KANK4: variants seen among roughly 807,000 people sequenced by gnomAD.
KANK4 encodes KN motif and ankyrin repeat domains 4.
Under a neutral mutation model 80.8 loss-of-function variants are expected in KANK4, and 50 were observed. The ratio of observed to expected loss-of-function variants is 0.62; its 90% confidence interval spans 0.49 to 0.78. The LOEUF is 0.78. KANK4 is among the 30% of genes least tolerant of loss of function. KANK4 has a pLI of 0.00. For synonymous variants in KANK4, 465 were observed against 506.9 expected (o/e 0.92, Z 1.11); for missense variants, 1,196 against 1,240.1 (o/e 0.96, Z 0.53).
chr1:62,270,389 T>C (rs563930724), intron 4 of KANK4, among the ~76,000 whole-genome samples: 8 of 151,398 alleles, frequency 5.3e-5, no homozygotes, highest in Non-Finnish European at 3.0e-5. Context: ...TGCTTTGCTT[T>C]TTTTTTTTTT....
chr1:62,307,479 C>A (rs867697470), intron 1 of KANK4, among the ~76,000 whole-genome samples: 422 of 113,122 alleles, frequency 3.7e-3, no homozygotes, highest in Admixed American at 4.2e-3. Flanking sequence ...GAGACTCTGC[C>A]AAAAAAAAAA....
intron 6 of KANK4, among the ~76,000 whole-genome samples, chr1:62,265,501 C>T (rs967296576): frequency 9.9e-5 from 15 of 152,204 alleles, no homozygotes; most frequent in African/African-American, 3.6e-4. Flanking sequence ...CTTGGCCTCC[C>T]AAAGTACTGG....
intron 2 of KANK4, among the ~76,000 whole-genome samples, chr1:62,278,364 C>T (rs1181381445): frequency 0.17 from 2,938 of 17,130 alleles, 469 homozygotes; most frequent in South Asian, 0.31. Context: ...TTCCTTCCTT[C>T]CTTCCTTCCT....
chr1:62,286,716 C>T (rs1373699897), intron 1 of KANK4, among the ~76,000 whole-genome samples: 1 of 152,140 alleles, frequency 6.6e-6, no homozygotes, highest in Admixed American at 6.5e-5. Context: ...AGTAGTGCAT[C>T]ACTTTCTTCC....
rs766521694 is a variant in KANK4 at position 62,279,191 on chromosome 1, A to AGCGCGC, written c.16+2352_16+2357dup. On this transcript the variant is annotated intron_variant, in intron 2 of 9. Transcript: ENST00000371153. ...GGTTTAATAGGTGCTTTCCTAAGCT[A>AGCGCGC]GCGCGCGCACACACACACACACACA... Among the ~76,000 whole-genome samples the AGCGCGC allele has an allele frequency of 1.9e-3, 264 of 139,382 alleles. 2 individuals are homozygous for AGCGCGC. The highest frequency in any genetic ancestry group is 6.8e-3 in the African/African-American group (252 of 37,222). The allele number at this position is 139,382 out of a possible 152,430, so 91.4% of individuals were successfully genotyped here. A position where few individuals can be genotyped will look rare whatever the true frequency, so the allele number is the denominator to read the frequency against.
chr1:62,256,721 A>G (rs1209377374), intron 7 of KANK4, among the ~76,000 whole-genome samples: 3 of 152,124 alleles, frequency 2.0e-5, no homozygotes, highest in African/African-American at 7.2e-5. Context: ...GAAGTGTGCC[A>G]TGAAAATACC....
intron 1 of KANK4, among the ~76,000 whole-genome samples, chr1:62,316,882 A>G (rs1277609496): frequency 1.3e-5 from 2 of 152,206 alleles, no homozygotes; most frequent in African/African-American, 4.8e-5. Flanking sequence ...AAGCATGTCC[A>G]GGGAGCTTTA....
chr1:62,242,410 G>A (rs991438203), intron 9 of KANK4, among the ~76,000 whole-genome samples: 1 of 150,250 alleles, frequency 6.7e-6, no homozygotes, highest in African/African-American at 2.5e-5. Flanking sequence ...AAAGAGAAGG[G>A]TGCAGGCAGC....
At chr1:62,252,587 C>T (rs1378483146) in intron 8 of KANK4, among the ~76,000 whole-genome samples, 3 of 152,254 alleles carry the variant, frequency 2.0e-5, no homozygotes, top group African/African-American at 2.4e-5. Context: ...TGGCTATCCA[C>T]ACTTTCCCTC....
At chr1:62,298,250 T>C (rs1172495058) in intron 1 of KANK4, 3 of 152,210 alleles carry the variant, frequency 2.0e-5, no homozygotes, top group Non-Finnish European at 4.4e-5. Flanking sequence ...GCTGCTGAAG[T>C]GAACACAGGA....
chr1:62,247,405 G>A lies in KANK4; in HGVS notation c.2883+67C>T, dbSNP rs952480502. On this transcript the variant is annotated intron_variant, in intron 9 of 9. Transcript: ENST00000371153. Reference sequence around the variant, plus strand: ...TCCTCCCGCCTCAGCCTCCCAAAGTGCTGGGGTTACAGGTATGAGCCACCC... The same window carrying A: ...TCCTCCCGCCTCAGCCTCCCAAAGTACTGGGGTTACAGGTATGAGCCACCC... 1.2e-5 allele frequency: 17 copies of A among 1,432,276 alleles called. No homozygotes were observed. The African/African-American group carries it at 2.0e-4, about 17-fold the overall frequency. 88.7% of individuals were successfully genotyped at this position (1,432,276 alleles called of 1,614,324 possible). A position where few individuals can be genotyped will look rare whatever the true frequency, so the allele number is the denominator to read the frequency against.
At chr1:62,283,281 A>G (rs1458536977) in intron 1 of KANK4, among the ~76,000 whole-genome samples, 1 of 152,158 alleles carries the variant, frequency 6.6e-6, no homozygotes, top group African/African-American at 2.4e-5. Context: ...AGCAACGGGC[A>G]GAGCTGGGAG....
In KANK4 at chr1:62,268,482, T is replaced by TCCTCA; in HGVS notation, c.2031_2035dup (p.Glu679ValfsTer82). 6.2e-7 allele frequency: 1 copy of TCCTCA among 1,613,680 alleles called. No individual in the cohort carries two copies. Among genetic ancestry groups the TCCTCA allele is most frequent in the Non-Finnish European group, 8.5e-7 (1 of 1,179,978 alleles). ...TGGGGTGCTGTCCTCACCGCTGGTCTCCTCACTTGAGGTGGTCTCATACCT... is the reference window on the plus strand; with the variant it reads ...TGGGGTGCTGTCCTCACCGCTGGTCTCCTCACCTCACTTGAGGTGGTCTCATACCT... On this transcript the variant is annotated frameshift_variant, in exon 5 of 10. Coordinates refer to ENST00000371153, the MANE Select transcript of KANK4 (RefSeq NM_181712.5). LOFTEE classifies it high-confidence loss of function.
chr1:62,271,133 C>T (rs907674539), intron 4 of KANK4, among the ~76,000 whole-genome samples: 2 of 152,062 alleles, frequency 1.3e-5, no homozygotes, highest in African/African-American at 2.4e-5. Context: ...ATTTGAAGTT[C>T]CACGAATTAA....
At chr1:62,314,699 T>TA (rs5774601) in intron 1 of KANK4, among the ~76,000 whole-genome samples, 43 of 148,692 alleles carry the variant, frequency 2.9e-4, no homozygotes, top group East Asian at 1.0e-3. Context: ...ACAGCCACAT[T>TA]AAAAAAAAAA....
rs763117048 is a variant in KANK4 at position 62,273,443 on chromosome 1, G to C, written c.1661C>G (p.Ser554Trp). 9.3e-6 allele frequency: 15 copies of C among 1,613,682 alleles called. No individual in the cohort carries two copies. Among genetic ancestry groups the C allele is most frequent in the Non-Finnish European group, 1.3e-5 (15 of 1,179,888 alleles). ...CTGCCCAATAGTGGCATCCGTTGGCGAGCTTGGTGGCCTTCCCGGGTGCTC... is the reference window on the plus strand; with the variant it reads ...CTGCCCAATAGTGGCATCCGTTGGCCAGCTTGGTGGCCTTCCCGGGTGCTC... ...GKEHPGRPPS[S>W]PTDATIGQYV... Residue 554 changes from serine to tryptophan, a missense_variant, in exon 3 of 10, where the codon TCG becomes TGG. Ser to Trp is a radical substitution (Grantham distance 177, BLOSUM62 -3). This residue lies in a region of KANK4 where 1,154 missense variants were observed against 1,179.6 expected (regional missense o/e 0.98). Transcript: ENST00000371153.
chr1:62,248,108 T>C (rs1340579234), intron 8 of KANK4, among the ~76,000 whole-genome samples: 1 of 152,162 alleles, frequency 6.6e-6, no homozygotes, highest in Non-Finnish European at 1.5e-5. Flanking sequence ...TGCCCCAGCC[T>C]GACTTTCCCC....
At chr1:62,260,459 G>C (rs2149130380) in intron 7 of KANK4, among the ~76,000 whole-genome samples, 1 of 151,306 alleles carries the variant, frequency 6.6e-6, no homozygotes, top group Middle Eastern at 3.4e-3. Context: ...TTCTTTCTTG[G>C]ATTCTTCTTC....
chr1:62,258,956 A>C (rs1671815449), intron 7 of KANK4, among the ~76,000 whole-genome samples: 3 of 152,040 alleles, frequency 2.0e-5, no homozygotes, highest in Admixed American at 2.0e-4. Context: ...GGAGGGAATG[A>C]CCTTGGTGAG....
Sources: gnomAD v4.1 joint callset for allele counts (sites outside exome capture counted in the v4.1 genomes callset) on GRCh38, gnomAD v4.1.1 for gene constraint, gnomAD v4.1.1 regional missense constraint, MANE v1.5 for transcripts, NCBI Gene and HGNC (gene_info 2026-07-23, HGNC 2026-07-21) for gene names.